Variants in ASIC2 observed in about 807,000 individuals in gnomAD.
The protein encoded by ASIC2 is acid-sensing ion channel 2.
A neutral mutation model predicts 57.3 loss-of-function variants in ASIC2; 25 were observed. The ratio of observed to expected loss-of-function variants is 0.44; its 90% CI spans 0.32 to 0.61. The LOEUF (loss-of-function observed/expected upper bound fraction) is 0.61, where lower values mean the gene tolerates loss of function less well. Ranked by LOEUF, ASIC2 falls within the 20% of genes least tolerant of loss-of-function variation. The pLI, the probability that ASIC2 is intolerant of heterozygous loss-of-function variation, is 0.06. For missense variants in ASIC2, 641 were observed against 738.1 expected (o/e 0.87, Z 1.52); for synonymous variants, 319 against 307.5 (o/e 1.04, Z -0.39).
rs150721729 is a variant in ASIC2 at position 33,372,533 on chromosome 17, G to A, written c.556-260466C>T. Among the ~76,000 whole-genome samples the A allele has an allele frequency of 1.6e-3, 243 of 152,202 alleles. 1 individual carries two copies. The highest frequency in any genetic ancestry group is 2.2e-3 in the Non-Finnish European group (150 of 68,000). On this transcript the variant is annotated intron_variant, in intron 1 of 9. Transcript: ENST00000359872. ...CTGCAGGTGACCTTCTGGAACTACC[G>A]CCCTTCCCAGCATCTTCTCCCTACT...
chr17:33,135,393 C>T (rs772866846), intron 1 of ASIC2, among the ~76,000 whole-genome samples: 1 of 152,230 alleles, frequency 6.6e-6, no homozygotes, highest in Non-Finnish European at 1.5e-5. Flanking sequence ...CTCTGCCTCT[C>T]TGGGTCTTGT....
chr17:33,537,475 A>G (rs1915269774), intron 1 of ASIC2, among the ~76,000 whole-genome samples: 2 of 152,156 alleles, frequency 1.3e-5, no homozygotes, highest in Admixed American at 1.3e-4. Context: ...TGCTGCTTCT[A>G]CTGAAATGCA....
chr17:33,393,605 G>A (rs1909975605), intron 1 of ASIC2, among the ~76,000 whole-genome samples: 1 of 152,158 alleles, frequency 6.6e-6, no homozygotes, highest in Admixed American at 6.5e-5. Context: ...CTTAGGCTTA[G>A]CAAAATGGGA....
rs889113439 is a variant in ASIC2, at chr17:34,136,301, G to A, written c.555+19677C>T. 2.6e-5 allele frequency among the ~76,000 whole-genome samples: 4 copies of A among 152,202 alleles called. No individual in the cohort carries two copies. The South Asian group carries it at 8.3e-4, about 32-fold the overall frequency. ...GGCCCTGCAAAGCCATCTCTTATGG[G>A]GAAAATTTGCATTCTGTAGAGAATC... On this transcript the variant is annotated intron_variant, in intron 1 of 9. Coordinates refer to the ASIC2 transcript ENST00000359872.
intron 1 of ASIC2, among the ~76,000 whole-genome samples, chr17:33,779,012 G>A (rs745884758): frequency 6.6e-6 from 1 of 152,162 alleles, no homozygotes; most frequent in Non-Finnish European, 1.5e-5. Context: ...TACAGTGCTA[G>A]TGTGGTGCTT....
rs1278399125 is a variant in ASIC2, at chr17:33,596,856, C to T, written c.556-484789G>A. 3.3e-5 allele frequency among the ~76,000 whole-genome samples: 5 copies of T among 152,308 alleles called. No individual in the cohort carries two copies. The South Asian group carries it at 6.2e-4, about 19-fold the overall frequency. ...ACAAGAGTCCTGGGCAGGGCCAGAG[C>T]GGGTACATAGACTCCGTTTGACAGA... is the stretch of plus-strand genomic sequence containing the variant. On this transcript the variant is annotated intron_variant, in intron 1 of 9. Transcript: ENST00000359872.
chr17:33,578,858 C>A (rs1321597424), intron 1 of ASIC2, among the ~76,000 whole-genome samples: 2 of 152,172 alleles, frequency 1.3e-5, no homozygotes, highest in African/African-American at 2.4e-5. Flanking sequence ...ACATTGGGGT[C>A]TGTGACCTGA....
chr17:33,533,929 G>A (rs534335570), intron 1 of ASIC2, among the ~76,000 whole-genome samples: 1 of 152,244 alleles, frequency 6.6e-6, no homozygotes, highest in South Asian at 2.1e-4. Flanking sequence ...TAAGGTGAAG[G>A]GCTAAACCAG....
intron 1 of ASIC2, among the ~76,000 whole-genome samples, chr17:33,397,971 T>G (rs966383131): frequency 6.6e-6 from 1 of 152,200 alleles, no homozygotes; most frequent in Non-Finnish European, 1.5e-5. Flanking sequence ...ATCAGGATCA[T>G]AGTGGAAAAA....
At chr17:33,467,195 C>T (rs898545862) in intron 1 of ASIC2, among the ~76,000 whole-genome samples, 5 of 152,206 alleles carry the variant, frequency 3.3e-5, no homozygotes, top group Non-Finnish European at 7.3e-5. Flanking sequence ...CCTGCCTCTG[C>T]CTCCCAAAGT....
chr17:33,826,021 T>C (rs1912896889), intron 1 of ASIC2, among the ~76,000 whole-genome samples: 2 of 152,240 alleles, frequency 1.3e-5, no homozygotes, highest in African/African-American at 4.8e-5. Flanking sequence ...GAAATTCCAT[T>C]AGCTATGTGG....
In ASIC2 at chr17:33,291,828, G is replaced by A; in HGVS notation, c.288C>T (p.Ser96=). ...RALWVLAFCT[S]FGLLLSWSSN... ...AGGACCAGGACAGCAGCAAGCCGAA[G>A]GATGTACAGAAGGCCAGCACCCACA... Residue 96 remains serine (S), a synonymous_variant, in exon 1 of 10, where the codon TCC becomes TCT. Transcript: ENST00000225823. 1 of 1,612,030 alleles carries A rather than the reference G, an allele frequency of 6.2e-7. No homozygotes were observed. The highest frequency in any genetic ancestry group is 8.5e-7 in the Non-Finnish European group (1 of 1,179,764).
At chr17:33,621,879 C>T (rs1382791138) in intron 1 of ASIC2, among the ~76,000 whole-genome samples, 2 of 152,038 alleles carry the variant, frequency 1.3e-5, no homozygotes, top group Non-Finnish European at 2.9e-5. Context: ...TGACTTTAAA[C>T]AAGGTATTGA....
intron 1 of ASIC2, among the ~76,000 whole-genome samples, chr17:33,439,526 C>G (rs1190705479): frequency 6.6e-6 from 1 of 152,098 alleles, no homozygotes; most frequent in African/African-American, 2.4e-5. Context: ...TAAATTACCC[C>G]CCTCTATTCC....
intron 3 of ASIC2, among the ~76,000 whole-genome samples, chr17:33,051,175 T>A (rs1304071613): frequency 6.6e-6 from 1 of 152,172 alleles, no homozygotes; most frequent in African/African-American, 2.4e-5. Context: ...AAGGGTCTCT[T>A]TCCCTTTCAG....
At position 33,799,622 on chromosome 17, in the gene ASIC2, G is replaced by T. The variant is rs571944831; in HGVS notation, c.555+356356C>A. On this transcript the variant is annotated intron_variant, in intron 1 of 9. Transcript: ENST00000359872. ...TGATCCCAGTGTGCACCTGGGTAAG[G>T]TTTCTGGGATCAGGGCATATGAGAT... Among the ~76,000 whole-genome samples the T allele has an allele frequency of 6.0e-5, 9 of 150,818 alleles. No individual in the cohort carries two copies. The East Asian group carries it at 1.6e-3, about 26-fold the overall frequency.
At chr17:34,143,658 A>G (rs544571101) in intron 1 of ASIC2, among the ~76,000 whole-genome samples, 41 of 152,252 alleles carry the variant, frequency 2.7e-4, no homozygotes, top group African/African-American at 8.9e-4. Context: ...ATCTTTGGAG[A>G]TGCTGGTTTC....
chr17:33,751,692 G>T (rs1490934), intron 1 of ASIC2, among the ~76,000 whole-genome samples: 8,113 of 151,914 alleles, frequency 0.053, 330 homozygotes, highest in South Asian at 0.11. Context: ...CTTTCCTTTG[G>T]ATTCAGATCC....
chr17:34,038,445 A>G, intron 1 of ASIC2: 1 of 1,612,252 alleles, frequency 6.2e-7, no homozygotes, highest in Non-Finnish European at 8.5e-7. Context: ...TCATCTCTCC[A>G]GTTTTTATTT....
Sources: gnomAD v4.1 joint callset for allele counts (sites outside exome capture counted in the v4.1 genomes callset) on GRCh38, gnomAD v4.1.1 for gene constraint, MANE v1.5 for transcripts, NCBI Gene and HGNC (gene_info 2026-07-23, HGNC 2026-07-21) for gene names.